Variants in TMEM175 observed in about 807,000 individuals in gnomAD.
TMEM175 encodes the protein endosomal/lysosomal proton channel TMEM175.
TMEM175 carries 36 observed loss-of-function variants against 36.5 expected under a neutral mutation model. That is an observed-to-expected ratio of 0.99 (90% confidence interval 0.76 to 1.30). The LOEUF (loss-of-function observed/expected upper bound fraction) is 1.30, where lower values mean the gene tolerates loss of function less well. TMEM175 is among the 50% of genes most tolerant of loss of function. The probability of loss-of-function intolerance (pLI) is 0.00; values close to 1 mark genes in which losing one functional copy is unlikely to be tolerated. For synonymous variants in TMEM175, 339 were observed against 313.4 expected, an observed-to-expected ratio of 1.08 and a Z score of -0.86; for missense variants, 705 against 692.8, an observed-to-expected ratio of 1.02 and a Z score of -0.20.
At chr4:942,522 T>C (rs1033942172) in intron 1 of TMEM175, among the ~76,000 whole-genome samples, 1 of 152,226 alleles carries the variant, frequency 6.6e-6, no homozygotes, top group African/African-American at 2.4e-5. Context: ...GGTCTGTGTC[T>C]ATGCTGTCTT....
chr4:935,908 CAT>C (rs1445818126), intron 1 of TMEM175, among the ~76,000 whole-genome samples: 1 of 152,086 alleles, frequency 6.6e-6, no homozygotes, highest in Non-Finnish European at 1.5e-5. Context: ...TTAAATAACT[CAT>C]GGGTCAAAGA....
At chr4:956,187 C>CA (rs1189584373) in intron 10 of TMEM175, 12 of 787,488 alleles carry the variant, frequency 1.5e-5, no homozygotes, top group Non-Finnish European at 1.8e-5. Context: ...TCACTCCTCT[C>CA]AGAGGGGCTC....
At chr4:952,287 C>A in intron 6 of TMEM175, 80 bp from the exon 7 acceptor site, 1 of 1,298,166 alleles carries the variant, frequency 7.7e-7, no homozygotes, top group Non-Finnish European at 1.1e-6. Flanking sequence ...AGTGGGGAGG[C>A]TCACCATGGC....
chr4:952,282 G>A, intron 6 of TMEM175, 85 bp from the exon 7 acceptor site: 1 of 1,219,646 alleles, frequency 8.2e-7, no homozygotes, highest in Non-Finnish European at 1.2e-6. Flanking sequence ...CGTGGAGTGG[G>A]GAGGCTCACC....
intron 1 of TMEM175, among the ~76,000 whole-genome samples, chr4:935,101 G>A (rs1347387782): frequency 6.6e-6 from 1 of 152,220 alleles, no homozygotes; most frequent in Non-Finnish European, 1.5e-5. Flanking sequence ...GAGCGTTTAA[G>A]CACTCATCTG....
intron 1 of TMEM175, among the ~76,000 whole-genome samples, chr4:942,704 A>G (rs567962723): frequency 6.6e-6 from 1 of 151,362 alleles, no homozygotes; most frequent in Admixed American, 6.6e-5. Flanking sequence ...CAGTGGTGCA[A>G]TCTCAGCTCA....
intron 1 of TMEM175, among the ~76,000 whole-genome samples, chr4:945,400 A>G (rs1233230861): frequency 9.9e-5 from 15 of 150,930 alleles, no homozygotes; most frequent in Admixed American, 9.9e-4. Flanking sequence ...GTCTGTCCCC[A>G]CCGTTCATTC....
At chr4:957,753 C>T (rs1173011813) in intron 10 of TMEM175, 71 bp from the exon 11 acceptor site, 17 of 1,491,210 alleles carry the variant, frequency 1.1e-5, no homozygotes, top group African/African-American at 8.4e-5. Context: ...CTGACAGGCG[C>T]TCAGCCACCC....
chr4:955,389 G>A lies in TMEM175; in HGVS notation c.628-16G>A. ...CCCCTGTGGAGGGCACTGACCTGCG[G>A]TTTGTCTCCCTGCAGTCTTACCTGC... On this transcript the variant is annotated splice_polypyrimidine_tract_variant and intron_variant, in intron 8 of 10. Transcript: ENST00000264771. 6.2e-7 allele frequency: 1 copy of A among 1,612,650 alleles called. No individual in the cohort carries two copies. Among genetic ancestry groups the A allele is most frequent in the Non-Finnish European group, 8.5e-7 (1 of 1,178,714 alleles).
chr4:955,621 G>A lies in TMEM175; in HGVS notation c.707-134G>A, dbSNP rs568305695. The A allele has an allele frequency of 2.9e-4, 418 of 1,458,600 alleles. 1 individual carries two copies. In the Admixed American group the frequency reaches 5.8e-3, roughly 20 times the overall value. 90.4% of individuals were successfully genotyped at this position (1,458,600 alleles called of 1,614,324 possible). ...CTGGGGCTCCCCCACTCCGCCCCTC[G>A]GGCGTCCCTGTCCTGTCTCCTCTCC... On this transcript the variant is annotated intron_variant, in intron 9 of 10. Transcript: ENST00000264771.
At position 958,397 on chromosome 4, in the gene TMEM175, C is replaced by T. The variant is rs1238596648; in HGVS notation, c.1416C>T (p.Thr472=). 7.5e-6 allele frequency: 12 copies of T among 1,599,872 alleles called. No individual in the cohort carries two copies. The highest frequency in any genetic ancestry group is 9.3e-6 in the Non-Finnish European group (11 of 1,179,132). Residue 472 remains threonine, a synonymous_variant, in exon 11 of 11, where the codon ACC becomes ACT. Coordinates refer to ENST00000264771, the MANE Select transcript of TMEM175 (RefSeq NM_032326.4). ...LRLLVGLALA[T]LRVLRGLARP... is the part of the protein sequence containing the mutation. ...TGCTCGTGGGCCTGGCCCTGGCCAC[C>T]CTGCGGGTCCTGCGGGGCCTCGCCC...
Position 958,332 on chromosome 4 carries a change from A to G in TMEM175, c.1351A>G (p.Met451Val). The G allele has an allele frequency of 6.2e-7, 1 of 1,604,960 alleles. No individual in the cohort carries two copies. Residue 451 changes from methionine (M) to valine (V), a missense_variant, in exon 11 of 11, where the codon ATG becomes GTG. Met to Val is a conservative substitution (Grantham distance 21). Transcript: ENST00000264771. ...GTTCAGTGTGGGCATCTTCCACCTC[A>G]TGCAGATCGCCGTGCCCTGCGCCTT... ...SRFSVGIFHLMQIAVPCAFLL... is the reference protein window; with the variant it reads ...SRFSVGIFHLVQIAVPCAFLL...
intron 1 of TMEM175, among the ~76,000 whole-genome samples, chr4:945,126 G>A (rs1255201814): frequency 6.6e-6 from 1 of 152,156 alleles, no homozygotes; most frequent in Non-Finnish European, 1.5e-5. Context: ...GAAAAACTGC[G>A]TGTTGCCTCA....
rs1726125645 is a variant in TMEM175, at chr4:932,618, C to T, written c.-32+78C>T. 2.7e-6 allele frequency: 1 copy of T among 370,502 alleles called. No individual in the cohort carries two copies. The highest frequency in any genetic ancestry group is 4.8e-6 in the Non-Finnish European group (1 of 208,124). The allele number at this position is 370,502 out of a possible 1,614,324, so 23.0% of individuals were successfully genotyped here. On this transcript the variant is annotated intron_variant, in intron 1 of 10. Transcript: ENST00000264771. This position sits in a 1 kb window ranked among gnomAD's most constrained non-coding sequence, Gnocchi z 4.0. Reference sequence around the variant, plus strand: ...TTGTGGGAGGCTCCTTCTCAGGTGTCTCCGGTTTAAGCGCTTCGCCATCCT... The same window carrying T: ...TTGTGGGAGGCTCCTTCTCAGGTGTTTCCGGTTTAAGCGCTTCGCCATCCT...
rs1306786716 is a variant in TMEM175 at position 957,884 on chromosome 4, C to T, written c.903C>T (p.Ala301=). ...VKERFSGSLV[A]ALSATGPRFL... ...AGAGGTTCAGCGGCAGCCTCGTGGCCGCCCTGAGTGCGACCGGGCCGCGCT... is the reference window on the plus strand; with the variant it reads ...AGAGGTTCAGCGGCAGCCTCGTGGCTGCCCTGAGTGCGACCGGGCCGCGCT... The change falls in exon 11 of 11, where the codon GCC becomes GCT. Residue 301 remains alanine, a synonymous_variant. Coordinates refer to ENST00000264771, the MANE Select transcript of TMEM175 (RefSeq NM_032326.4). The T allele has an allele frequency of 9.9e-6, 16 of 1,612,628 alleles. No homozygotes were observed. The highest frequency in any genetic ancestry group is 8.8e-5 in the South Asian group (8 of 91,048).
In TMEM175 at chr4:958,422, C is replaced by G; in HGVS notation, c.1441C>G (p.Arg481Gly). 2 of 1,596,438 alleles carry G rather than the reference C, an allele frequency of 1.3e-6. No homozygotes were observed. The highest frequency in any genetic ancestry group is 8.5e-7 in the Non-Finnish European group (1 of 1,177,484). The change falls in exon 11 of 11, where the codon CGG (arginine) becomes GGG (glycine). Residue 481 changes from arginine to glycine, a missense_variant. Coordinates refer to ENST00000264771, the MANE Select transcript of TMEM175 (RefSeq NM_032326.4). ...ATLRVLRGLA[R>G]PEHPPPAPTG... The stretch of plus-strand genomic sequence containing the variant: ...CCTGCGGGTCCTGCGGGGCCTCGCC[C>G]GGCCCGAACACCCCCCGCCAGCCCC...
chr4:954,431 TAGGGAG>T (rs1437388527), intron 8 of TMEM175, among the ~76,000 whole-genome samples: 1 of 152,162 alleles, frequency 6.6e-6, no homozygotes, highest in African/African-American at 2.4e-5. Context: ...TGTGAGCCAC[TAGGGAG>T]AGGGAGAAGG....
chr4:942,086 G>GTC (rs753652223), intron 1 of TMEM175, among the ~76,000 whole-genome samples: 1 of 148,926 alleles, frequency 6.7e-6, no homozygotes, highest in South Asian at 2.1e-4. Context: ...TTGAGATAGA[G>GTC]TCTCTCTCTA....
At chr4:954,825 T>A (rs1729409449) in intron 8 of TMEM175, among the ~76,000 whole-genome samples, 1 of 152,234 alleles carries the variant, frequency 6.6e-6, no homozygotes, top group East Asian at 1.9e-4. Context: ...TTCAGTTCTC[T>A]CCATCCTAGT....
Sources: allele counts gnomAD v4.1 joint callset (sites outside exome capture counted in the v4.1 genomes callset), GRCh38; gene constraint gnomAD v4.1.1; non-coding constraint Gnocchi (gnomAD v3.1); transcripts MANE v1.5; gene names NCBI Gene and HGNC (gene_info 2026-07-23, HGNC 2026-07-21).